The following ATP8A1 variants were observed in gnomAD, a reference collection of about 807,000 sequenced individuals.
The protein encoded by ATP8A1 is ATPase phospholipid transporting 8A1.
Under a neutral mutation model 177.7 loss-of-function variants are expected in ATP8A1, and 90 were observed. That is an observed-to-expected ratio of 0.51 (90% CI 0.43 to 0.60). The LOEUF is 0.60. Among genes scored for constraint, ATP8A1 ranks in the 20% least tolerant of loss-of-function variants. The pLI is 0.00. For missense variants in ATP8A1, 1,072 were observed against 1,392.8 expected, an observed-to-expected ratio of 0.77 and a Z score of 3.67; for synonymous variants, 493 against 485.9, an observed-to-expected ratio of 1.01 and a Z score of -0.19.
chr4:42,494,423 C>T (rs1329579974), intron 24 of ATP8A1, among the ~76,000 whole-genome samples: 3 of 152,102 alleles, frequency 2.0e-5, no homozygotes, highest in Admixed American at 6.5e-5. Context: ...TGCAGTGAGC[C>T]GAGATCACGC....
intron 4 of ATP8A1, among the ~76,000 whole-genome samples, chr4:42,623,602 A>G (rs1160345576): frequency 1.3e-5 from 2 of 152,184 alleles, no homozygotes; most frequent in Non-Finnish European, 2.9e-5. Flanking sequence ...ACAGGAACAG[A>G]AAACCAAATA....
At chr4:42,556,872 G>GA (rs1404278722) in intron 15 of ATP8A1, among the ~76,000 whole-genome samples, 52 of 152,140 alleles carry the variant, frequency 3.4e-4, no homozygotes, top group Non-Finnish European at 2.4e-4. Flanking sequence ...TTCACTGAGG[G>GA]AAAAAAATGT....
intron 1 of ATP8A1, among the ~76,000 whole-genome samples, chr4:42,639,260 C>T (rs1261294293): frequency 6.6e-6 from 1 of 152,152 alleles, no homozygotes; most frequent in East Asian, 1.9e-4. Flanking sequence ...GATAGGTTCA[C>T]ATGTTCAACA....
At chr4:42,539,962 A>G (rs1213855993) in intron 20 of ATP8A1, among the ~76,000 whole-genome samples, 2 of 152,168 alleles carry the variant, frequency 1.3e-5, no homozygotes, top group Non-Finnish European at 2.9e-5. Flanking sequence ...ATTATATTAA[A>G]CTAAAAAGCA....
intron 1 of ATP8A1, among the ~76,000 whole-genome samples, chr4:42,631,893 C>G (rs1738775982): frequency 6.6e-6 from 1 of 152,124 alleles, no homozygotes; most frequent in Non-Finnish European, 1.5e-5. Flanking sequence ...TTGGAGACAT[C>G]TCAAAATGGC....
intron 5 of ATP8A1, among the ~76,000 whole-genome samples, chr4:42,614,640 C>T (rs1736721439): frequency 6.6e-6 from 1 of 152,236 alleles, no homozygotes; most frequent in East Asian, 1.9e-4. Context: ...ACTCAATATC[C>T]ACAAGAAATA....
intron 19 of ATP8A1, among the ~76,000 whole-genome samples, chr4:42,545,659 T>C (rs1383802241): frequency 6.6e-6 from 1 of 152,158 alleles, no homozygotes; most frequent in Non-Finnish European, 1.5e-5. Context: ...AAAATTCACC[T>C]TGATAAAAAC....
At chr4:42,591,800 CAGA>C (rs1382271811) in intron 6 of ATP8A1, among the ~76,000 whole-genome samples, 2 of 152,052 alleles carry the variant, frequency 1.3e-5, no homozygotes, top group East Asian at 1.9e-4. Context: ...AACTACCTCA[CAGA>C]AGATGTACTC....
Position 42,552,514 on chromosome 4 carries a change from C to T in ATP8A1, c.1510G>A (p.Ala504Thr). ...REGDKIIYQA[A>T]SPDEGALVRA... ...ATTGCTTCATTTGTACCTGGAGATG[C>T]TGCTTGATAAATAATCTTGTCACCT... The change falls in exon 17 of 37, where the codon GCA (alanine) becomes ACA (threonine). Residue 504 changes from alanine (A) to threonine (T), a missense_variant. Physicochemically the swap from Ala to Thr is moderately conservative, Grantham distance 58 (BLOSUM62 0). This residue lies in a region of ATP8A1 where 388 missense variants were observed against 471.7 expected (regional missense o/e 0.82). Transcript: ENST00000381668. 1.2e-6 allele frequency: 2 copies of T among 1,609,372 alleles called. No homozygotes were observed. Among genetic ancestry groups the T allele is most frequent in the Non-Finnish European group, 1.7e-6 (2 of 1,177,088 alleles).
intron 27 of ATP8A1, among the ~76,000 whole-genome samples, chr4:42,456,214 C>A (rs560991457): frequency 1.3e-5 from 2 of 152,198 alleles, no homozygotes; most frequent in South Asian, 4.1e-4. Flanking sequence ...GTAACCTCTA[C>A]AATGTGGATG....
rs116956377 is a variant in ATP8A1, at chr4:42,512,592, G to A, written c.1948-5438C>T. Among the ~76,000 whole-genome samples, 29 of 152,306 alleles carry A rather than the reference G, an allele frequency of 1.9e-4. No homozygotes were observed. In the East Asian group the frequency reaches 4.4e-3, roughly 23 times the overall value. ...CTCTCCTTGGATTCCTGGCTGCCTCGTTTTCTAACTGTACCTCCTTGCCTT... is the reference window on the plus strand; with the variant it reads ...CTCTCCTTGGATTCCTGGCTGCCTCATTTTCTAACTGTACCTCCTTGCCTT... On this transcript the variant is annotated intron_variant, in intron 22 of 36. Transcript: ENST00000381668.
intron 25 of ATP8A1, among the ~76,000 whole-genome samples, chr4:42,468,617 T>A (rs1720072707): frequency 6.6e-6 from 1 of 151,942 alleles, no homozygotes; most frequent in South Asian, 2.1e-4. Context: ...TATGTGGGAG[T>A]TAAGCTGTGA....
intron 18 of ATP8A1, 119 bp from the exon 19 acceptor site, chr4:42,549,181 C>T (rs1729233446): frequency 8.1e-6 from 6 of 741,878 alleles, no homozygotes; most frequent in Non-Finnish European, 2.2e-6. Context: ...ATTTTCCCTG[C>T]TGAAATATGG....
chr4:42,524,246 C>T (rs572457239), intron 21 of ATP8A1, among the ~76,000 whole-genome samples: 1 of 152,294 alleles, frequency 6.6e-6, no homozygotes, highest in South Asian at 2.1e-4. Flanking sequence ...AGGCCTCACA[C>T]AGAGCCTGGC....
chr4:42,592,084 T>A (rs1734236695), intron 6 of ATP8A1, among the ~76,000 whole-genome samples: 1 of 152,142 alleles, frequency 6.6e-6, no homozygotes, highest in African/African-American at 2.4e-5. Context: ...GCTAAAACCC[T>A]TTGAGGAAAA....
chr4:42,547,838 T>C (rs1331762797), intron 19 of ATP8A1, among the ~76,000 whole-genome samples: 2 of 152,208 alleles, frequency 1.3e-5, no homozygotes, highest in Non-Finnish European at 2.9e-5. Context: ...GAAAGAGAAA[T>C]GCCTTTCCTA....
chr4:42,581,698 GAAGA>G lies in ATP8A1; in HGVS notation c.753_756del (p.Leu252GlufsTer5). The G allele has an allele frequency of 3.1e-6, 5 of 1,614,068 alleles. No homozygotes were observed. Among genetic ancestry groups the G allele is most frequent in the Non-Finnish European group, 4.2e-6 (5 of 1,179,938 alleles). ...TGTGTATTTCTCAACTGAGCTCCTC[GAAGA>G]AGAATCTGATCTGCTCCCAGTGGAA... On this transcript the variant is annotated frameshift_variant, in exon 10 of 37. Transcript: ENST00000381668. LOFTEE classifies it high-confidence loss of function.
At chr4:42,421,862 CTG>C (rs1452931509) in intron 35 of ATP8A1, among the ~76,000 whole-genome samples, 1 of 151,906 alleles carries the variant, frequency 6.6e-6, no homozygotes, top group African/African-American at 2.4e-5. Context: ...TTATTATAGA[CTG>C]CAACTAATTA....
intron 6 of ATP8A1, among the ~76,000 whole-genome samples, chr4:42,591,938 G>A (rs1734221864): frequency 6.6e-6 from 1 of 152,178 alleles, no homozygotes; most frequent in Non-Finnish European, 1.5e-5. Context: ...AGTGGACAGT[G>A]TGAAGATAGT....
Sources: gnomAD v4.1 joint callset for allele counts (sites outside exome capture counted in the v4.1 genomes callset) on GRCh38, gnomAD v4.1.1 for gene constraint, gnomAD v4.1.1 regional missense constraint, MANE v1.5 for transcripts, NCBI Gene and HGNC (gene_info 2026-07-23, HGNC 2026-07-21) for gene names.